Variants in AKT3 observed in about 807,000 individuals in gnomAD.
The protein encoded by AKT3 is RAC-gamma serine/threonine-protein kinase.
In AKT3, 15 loss-of-function variants were observed where a neutral mutation model predicts 65.3. The ratio of observed to expected loss-of-function variants is 0.23; its 90% CI spans 0.15 to 0.35. The LOEUF is 0.35. Among genes scored for constraint, AKT3 ranks in the 10% least tolerant of loss-of-function variants. AKT3 has a pLI of 1.00. For synonymous variants in AKT3, 206 were observed against 183.8 expected (o/e 1.12, Z -0.98); for missense variants, 243 against 576.5 (o/e 0.42, Z 5.92).
intron 4 of AKT3, among the ~76,000 whole-genome samples, chr1:243,652,908 A>C (rs1271517667): frequency 6.6e-6 from 1 of 152,100 alleles, no homozygotes; most frequent in Non-Finnish European, 1.5e-5. Flanking sequence ...AAAAGAGCTA[A>C]CTATCCTAAA....
At chr1:243,798,502 A>G (rs1310242760) in intron 2 of AKT3, among the ~76,000 whole-genome samples, 1 of 148,928 alleles carries the variant, frequency 6.7e-6, no homozygotes, top group East Asian at 2.0e-4. Flanking sequence ...AGCCTCCCAA[A>G]GTGCTGGGAT....
chr1:243,663,300 C>CAT (rs1682514014), intron 4 of AKT3, among the ~76,000 whole-genome samples: 1 of 152,168 alleles, frequency 6.6e-6, no homozygotes, highest in Non-Finnish European at 1.5e-5. Context: ...GGAAAAATAA[C>CAT]ATTTTAAGCT....
At chr1:243,780,566 TA>T (rs1690842939) in intron 2 of AKT3, among the ~76,000 whole-genome samples, 1 of 151,106 alleles carries the variant, frequency 6.6e-6, no homozygotes, top group Admixed American at 6.6e-5. Context: ...TTTAAGTATT[TA>T]AAAATATGTT....
intron 2 of AKT3, among the ~76,000 whole-genome samples, chr1:243,810,916 G>A (rs569481874): frequency 3.9e-5 from 6 of 152,190 alleles, no homozygotes; most frequent in Admixed American, 1.3e-4. Flanking sequence ...ACAGAACAAC[G>A]ACAAAAACCA....
chr1:243,572,537 C>T (rs1674636891), intron 9 of AKT3, among the ~76,000 whole-genome samples: 1 of 152,142 alleles, frequency 6.6e-6, no homozygotes, highest in Admixed American at 6.5e-5. Flanking sequence ...GTATTTAAAA[C>T]CACCCAAAGT....
intron 3 of AKT3, among the ~76,000 whole-genome samples, chr1:243,672,353 T>C (rs1683211080): frequency 6.6e-6 from 1 of 152,306 alleles, no homozygotes; most frequent in South Asian, 2.1e-4. Context: ...AAAGTTCAAT[T>C]ACTAATAATG....
At chr1:243,845,010 T>TG (rs1695451068) in intron 1 of AKT3, among the ~76,000 whole-genome samples, 1 of 152,174 alleles carries the variant, frequency 6.6e-6, no homozygotes, top group African/African-American at 2.4e-5. Flanking sequence ...AATGGATAGA[T>TG]GGACTACACA....
downstream of AKT3, among the ~76,000 whole-genome samples, chr1:243,499,273 A>G (rs1041547779): frequency 2.6e-5 from 4 of 152,246 alleles, no homozygotes; most frequent in African/African-American, 9.6e-5. Context: ...CATAGGTTAC[A>G]ATAAATTGCT....
intron 7 of AKT3, 64 bp from the exon 8 acceptor site, chr1:243,613,803 C>T: frequency 9.7e-7 from 1 of 1,026,126 alleles, no homozygotes; most frequent in Non-Finnish European, 1.4e-6. Flanking sequence ...TATAATAGTA[C>T]TAAAAATAGA....
intron 2 of AKT3, among the ~76,000 whole-genome samples, chr1:243,823,353 G>A (rs1212661832): frequency 6.6e-6 from 1 of 152,108 alleles, no homozygotes; most frequent in East Asian, 1.9e-4. Flanking sequence ...CATTTCCCTT[G>A]AAAACTGGCA....
chr1:243,677,605 C>A (rs1683608984), intron 3 of AKT3, among the ~76,000 whole-genome samples: 1 of 151,664 alleles, frequency 6.6e-6, no homozygotes, highest in African/African-American at 2.4e-5. Context: ...GATTTTGGAG[C>A]AACAGCTCTA....
At chr1:243,645,217 T>C (rs1680716862) in intron 5 of AKT3, among the ~76,000 whole-genome samples, 1 of 152,204 alleles carries the variant, frequency 6.6e-6, no homozygotes, top group South Asian at 2.1e-4. Flanking sequence ...AAATCAAACA[T>C]ATTCTAAAGT....
At chr1:243,523,497 A>G (rs1192156272) in intron 12 of AKT3, among the ~76,000 whole-genome samples, 1 of 152,204 alleles carries the variant, frequency 6.6e-6, no homozygotes, top group Admixed American at 6.5e-5. Context: ...ATGTTTTTTG[A>G]GCATCTCTTC....
chr1:243,642,940 T>TA (rs1382824386), intron 5 of AKT3, among the ~76,000 whole-genome samples: 1 of 152,184 alleles, frequency 6.6e-6, no homozygotes, highest in African/African-American at 2.4e-5. Flanking sequence ...AAATTCCAGA[T>TA]ACATTTACAA....
At chr1:243,663,203 A>G (rs568035119) in intron 4 of AKT3, among the ~76,000 whole-genome samples, 2 of 152,336 alleles carry the variant, frequency 1.3e-5, no homozygotes, top group African/African-American at 4.8e-5. Context: ...TACAGTTATA[A>G]TATGATTGAT....
intron 4 of AKT3, among the ~76,000 whole-genome samples, chr1:243,649,357 G>C (rs7514202): frequency 6.8e-6 from 1 of 147,964 alleles, no homozygotes; most frequent in Admixed American, 6.7e-5. Context: ...GTGTGTGTGT[G>C]TATGTTGGGT....
intron 8 of AKT3, among the ~76,000 whole-genome samples, chr1:243,589,543 T>A (rs1322341998): frequency 1.3e-5 from 2 of 151,896 alleles, no homozygotes; most frequent in Non-Finnish European, 2.9e-5. Flanking sequence ...CAAGTGCTGG[T>A]GAGGATGTGG....
At chr1:243,820,800 A>T (rs1693811003) in intron 2 of AKT3, among the ~76,000 whole-genome samples, 1 of 152,192 alleles carries the variant, frequency 6.6e-6, no homozygotes, top group Non-Finnish European at 1.5e-5. Context: ...GACCAAATCT[A>T]TGACTGATTA....
chr1:243,556,524 A>G (rs541039823), intron 10 of AKT3, among the ~76,000 whole-genome samples: 3 of 152,280 alleles, frequency 2.0e-5, no homozygotes, highest in African/African-American at 7.2e-5. Context: ...TAAGGAGGCT[A>G]TGTATGCCCT....
Sources: gnomAD v4.1 joint callset for allele counts (sites outside exome capture counted in the v4.1 genomes callset) on GRCh38, gnomAD v4.1.1 for gene constraint, MANE v1.5 for transcripts, NCBI Gene and HGNC (gene_info 2026-07-23, HGNC 2026-07-21) for gene names.